The following ERLIN1 variants were observed in gnomAD, a reference collection of about 807,000 sequenced individuals.
ERLIN1 encodes erlin-1.
Under a neutral mutation model 46.9 loss-of-function variants are expected in ERLIN1, and 24 were observed. The ratio of observed to expected loss-of-function variants is 0.51; its 90% CI spans 0.37 to 0.72. ERLIN1 has a LOEUF of 0.72. Among genes scored for constraint, ERLIN1 ranks in the 30% least tolerant of loss-of-function variants. The pLI, the probability that ERLIN1 is intolerant of heterozygous loss-of-function variation, is 0.00. For synonymous variants in ERLIN1, 158 were observed against 143.2 expected, an observed-to-expected ratio of 1.10 and a Z score of -0.74; for missense variants, 293 against 417.9, an observed-to-expected ratio of 0.70 and a Z score of 2.61.
At chr10:100,158,407 C>G (rs1843184766) in intron 8 of ERLIN1, among the ~76,000 whole-genome samples, 1 of 152,128 alleles carries the variant, frequency 6.6e-6, no homozygotes, top group Non-Finnish European at 1.5e-5. Context: ...TGAAATAATA[C>G]TGCCATATTG....
chr10:100,183,867 T>C (rs368480042), intron 1 of ERLIN1, 30 bp from the exon 2 acceptor site: 49 of 1,495,484 alleles, frequency 3.3e-5, no homozygotes, highest in African/African-American at 5.5e-5. Context: ...TTTGACAAAA[T>C]TATAAAAAGA....
rs1258807470 is a variant in ERLIN1 at position 100,174,485 on chromosome 10, G to A, written c.431-204C>T. Among the ~76,000 whole-genome samples, 3 of 152,300 alleles carry A rather than the reference G, an allele frequency of 2.0e-5. No homozygotes were observed. The South Asian group carries it at 6.2e-4, about 32-fold the overall frequency. On this transcript the variant is annotated intron_variant, in intron 5 of 10. Transcript: ENST00000421367. ...AATAAAGAAATTAAGGAACGAAGATGACAAGCAGATAGTCTGTTTATCCAA... is the reference window on the plus strand; with the variant it reads ...AATAAAGAAATTAAGGAACGAAGATAACAAGCAGATAGTCTGTTTATCCAA...
chr10:100,150,321 C>T lies in ERLIN1; in HGVS notation c.*1810G>A, dbSNP rs945988550. ...ATTTCCCTGTTCCTCAGCCCCGCCT[C>T]CAGGGCCATCACTTTGGGGCAACAG... On this transcript the variant is annotated 3_prime_UTR_variant, in exon 11 of 11. Transcript: ENST00000421367. The T allele has an allele frequency of 3.9e-5, 6 of 152,602 alleles. No homozygotes were observed. Among genetic ancestry groups the T allele is most frequent in the Non-Finnish European group, 8.8e-5 (6 of 68,046 alleles). The allele number at this position is 152,602 out of a possible 1,614,324, so 9.5% of individuals were successfully genotyped here.
In ERLIN1 at chr10:100,150,247, C is replaced by A. The variant is rs1369102261; in HGVS notation, c.*1884G>T. ...CTGAGAGGGCACAGGGAGGCACACT[C>A]CTCACACATGGGAGTTTAAGCAGAA... is the stretch of plus-strand genomic sequence containing the variant. On this transcript the variant is annotated 3_prime_UTR_variant, in exon 11 of 11. Transcript: ENST00000421367. 1.8e-5 allele frequency: 2 copies of A among 108,922 alleles called. No individual in the cohort carries two copies. The highest frequency in any genetic ancestry group is 9.2e-5 in the African/African-American group (2 of 21,782). The allele number at this position is 108,922 out of a possible 1,614,324, so 6.7% of individuals were successfully genotyped here. A position where few individuals can be genotyped will look rare whatever the true frequency, so the allele number is the denominator to read the frequency against.
intron 7 of ERLIN1, among the ~76,000 whole-genome samples, chr10:100,166,341 T>C (rs1247238551): frequency 6.6e-6 from 1 of 151,756 alleles, no homozygotes; most frequent in Admixed American, 6.6e-5. Flanking sequence ...GATCGCTTAA[T>C]CACTTGAGCC....
At chr10:100,158,808 A>G (rs983806371) in intron 8 of ERLIN1, among the ~76,000 whole-genome samples, 2 of 152,220 alleles carry the variant, frequency 1.3e-5, no homozygotes, top group Admixed American at 6.5e-5. Context: ...AATGGAATGT[A>G]AAACTTCCAA....
rs370929588 is a variant in ERLIN1 at position 100,183,856 on chromosome 10, A to G, written c.114-19T>C. ...TCCTCCCCTGCAAAAAGATGTTTCA[A>G]TTTGACAAAATTATAAAAAGAAAAA... On this transcript the variant is annotated intron_variant, in intron 1 of 10. Coordinates refer to ENST00000421367, the MANE Select transcript of ERLIN1 (RefSeq NM_006459.4). 2 of 1,566,206 alleles carry G rather than the reference A, an allele frequency of 1.3e-6. No individual in the cohort carries two copies. Among genetic ancestry groups the G allele is most frequent in the Non-Finnish European group, 1.8e-6 (2 of 1,139,026 alleles).
At position 100,151,773 on chromosome 10, in the gene ERLIN1, G is replaced by T. The variant is rs1012722263; in HGVS notation, c.*358C>A. 1.2e-5 allele frequency: 4 copies of T among 328,474 alleles called. No individual in the cohort carries two copies. The highest frequency in any genetic ancestry group is 7.9e-5 in the South Asian group (3 of 38,028). The allele number at this position is 328,474 out of a possible 1,614,324, so 20.3% of individuals were successfully genotyped here. On this transcript the variant is annotated 3_prime_UTR_variant, in exon 11 of 11. Transcript: ENST00000421367. ...GGTGGCTGAGCATACATTTCCCCGG[G>T]GGACGAATGTAAACATTATTCAACA...
chr10:100,155,671 C>T (rs927358312), intron 9 of ERLIN1, among the ~76,000 whole-genome samples: 4 of 151,964 alleles, frequency 2.6e-5, no homozygotes, highest in East Asian at 1.9e-4. Flanking sequence ...CCCGCCACCA[C>T]GCCCGGCTAA....
chr10:100,178,487 C>T (rs1045723430), intron 3 of ERLIN1, among the ~76,000 whole-genome samples: 2 of 152,136 alleles, frequency 1.3e-5, no homozygotes, highest in Non-Finnish European at 2.9e-5. Flanking sequence ...GCCCTGCTTG[C>T]CTTTCTTTCC....
intron 10 of ERLIN1, 55 bp downstream of exon 10, chr10:100,154,805 G>C: frequency 7.0e-7 from 1 of 1,428,962 alleles, no homozygotes; most frequent in Non-Finnish European, 9.8e-7. Context: ...CTCCTGAAAA[G>C]AGAAAGCAAA....
chr10:100,162,727 T>C (rs1341559997), intron 8 of ERLIN1, among the ~76,000 whole-genome samples: 1 of 150,200 alleles, frequency 6.7e-6, no homozygotes, highest in African/African-American at 2.4e-5. Context: ...TAAGCTCTGA[T>C]TTTTTATTTT....
chr10:100,185,076 C>T (rs1292137684), intron 1 of ERLIN1, among the ~76,000 whole-genome samples: 1 of 151,924 alleles, frequency 6.6e-6, no homozygotes, highest in East Asian at 1.9e-4. Context: ...CCATCACAGT[C>T]ATCATGGTGT....
rs549483410 is a variant in ERLIN1, at chr10:100,185,940, C to G, written c.-314G>C. On this transcript the variant is annotated 5_prime_UTR_variant, in exon 1 of 11. Coordinates refer to ENST00000421367, the MANE Select transcript of ERLIN1 (RefSeq NM_006459.4). The stretch of plus-strand genomic sequence containing the variant: ...CCAGCCGCAGGCTCGCGAGGAAAGC[C>G]GACCCCTCGGCCGCGCCTCACCGAT... 6.3e-5 allele frequency: 29 copies of G among 462,382 alleles called. No homozygotes were observed. The Admixed American group carries it at 8.9e-4, about 14-fold the overall frequency. The allele number at this position is 462,382 out of a possible 1,614,324, so 28.6% of individuals were successfully genotyped here.
rs1205926214 is a variant in ERLIN1, at chr10:100,174,284, G to GT, written c.431-4dup. 1 of 1,552,904 alleles carries GT rather than the reference G, an allele frequency of 6.4e-7. No individual in the cohort carries two copies. The highest frequency in any genetic ancestry group is 8.7e-7 in the Non-Finnish European group (1 of 1,146,764). ...CTTCAGGTTTTCATCTATTTGATCT[G>GT]TTTTTTAAGCCAAGAACAACAGATC... On this transcript the variant is annotated splice_region_variant and splice_polypyrimidine_tract_variant and intron_variant, in intron 5 of 10. Coordinates refer to ENST00000421367, the MANE Select transcript of ERLIN1 (RefSeq NM_006459.4).
intron 6 of ERLIN1, among the ~76,000 whole-genome samples, chr10:100,168,563 C>CG (rs1318793684): frequency 6.6e-6 from 1 of 152,010 alleles, no homozygotes; most frequent in African/African-American, 2.4e-5. Context: ...GACTAGCAGA[C>CG]ATAAGATTAC....
chr10:100,168,845 A>G (rs748553974), intron 6 of ERLIN1, among the ~76,000 whole-genome samples: 3 of 151,890 alleles, frequency 2.0e-5, no homozygotes, highest in Non-Finnish European at 2.9e-5. Context: ...AAGCCCGACT[A>G]ATTTTTGTAT....
chr10:100,156,901 G>A (rs1665139620), intron 8 of ERLIN1, among the ~76,000 whole-genome samples: 1 of 152,168 alleles, frequency 6.6e-6, no homozygotes, highest in South Asian at 2.1e-4. Context: ...TATAGTCCCA[G>A]CTACACAGGA....
chr10:100,162,115 C>T (rs988895915), intron 8 of ERLIN1, among the ~76,000 whole-genome samples: 2 of 151,958 alleles, frequency 1.3e-5, no homozygotes, highest in African/African-American at 4.8e-5. Flanking sequence ...AAAGACAAGC[C>T]ACAAATTGAA....
Sources: gnomAD v4.1 joint callset for allele counts (sites outside exome capture counted in the v4.1 genomes callset) on GRCh38, gnomAD v4.1.1 for gene constraint, MANE v1.5 for transcripts, NCBI Gene and HGNC (gene_info 2026-07-23, HGNC 2026-07-21) for gene names.